The following PDE4D variants were observed in gnomAD, a reference collection of about 807,000 sequenced individuals.
PDE4D encodes phosphodiesterase 4D, also known as 3',5'-cyclic-AMP phosphodiesterase 4D.
PDE4D carries 24 observed loss-of-function variants against 87.4 expected under a neutral mutation model. The ratio of observed to expected loss-of-function variants is 0.27; its 90% CI spans 0.20 to 0.39. The LOEUF (loss-of-function observed/expected upper bound fraction) is 0.39. Among genes scored for constraint, PDE4D ranks in the 10% least tolerant of loss-of-function variants. The probability of loss-of-function intolerance (pLI) is 1.00; values close to 1 mark genes in which losing one functional copy is unlikely to be tolerated. For missense variants in PDE4D, 714 were observed against 1,041.0 expected (o/e 0.69, Z 4.32); for synonymous variants, 384 against 383.2 (o/e 1.00, Z -0.02).
At chr5:59,500,270 A>G (rs2153664031) in intron 1 of PDE4D, among the ~76,000 whole-genome samples, 1 of 152,298 alleles carries the variant, frequency 6.6e-6, no homozygotes, top group African/African-American at 2.4e-5. Context: ...TACCCAAAGG[A>G]AAATAAACCA....
intron 1 of PDE4D, among the ~76,000 whole-genome samples, chr5:59,812,893 G>A (rs540269398): frequency 1.2e-4 from 18 of 152,312 alleles, no homozygotes; most frequent in African/African-American, 1.4e-4. Context: ...GGCAAGCACC[G>A]AACCTGGCTG....
intron 1 of PDE4D, among the ~76,000 whole-genome samples, chr5:60,190,301 C>T (rs1447224257): frequency 6.6e-6 from 1 of 152,318 alleles, no homozygotes; most frequent in African/African-American, 2.4e-5. Context: ...CCTCTACACA[C>T]GTAAGATAGA....
chr5:59,042,330 C>T (rs1580474868), intron 5 of PDE4D, among the ~76,000 whole-genome samples: 1 of 152,138 alleles, frequency 6.6e-6, no homozygotes, highest in Non-Finnish European at 1.5e-5. Context: ...CTTTTCATCC[C>T]GCCGAACAAA....
intron 1 of PDE4D, among the ~76,000 whole-genome samples, chr5:59,638,864 A>G (rs1203711021): frequency 1.3e-5 from 2 of 152,146 alleles, no homozygotes; most frequent in Non-Finnish European, 2.9e-5. Flanking sequence ...AACTTTTAGG[A>G]TATGAGTAAA....
intron 1 of PDE4D, among the ~76,000 whole-genome samples, chr5:60,219,628 T>C (rs1683986296): frequency 6.6e-6 from 1 of 152,208 alleles, no homozygotes; most frequent in African/African-American, 2.4e-5. Context: ...CTGAGGAAGC[T>C]ACCATCTCCA....
intron 1 of PDE4D, among the ~76,000 whole-genome samples, chr5:60,503,274 C>G (rs914476266): frequency 6.6e-6 from 1 of 152,090 alleles, no homozygotes; most frequent in Admixed American, 6.6e-5. Flanking sequence ...AGACAGAATA[C>G]TCTGTCTATA....
chr5:60,424,857 GC>G (rs1346696478), intron 1 of PDE4D, among the ~76,000 whole-genome samples: 1 of 152,162 alleles, frequency 6.6e-6, no homozygotes, highest in Non-Finnish European at 1.5e-5. Context: ...AAATCAATGT[GC>G]AAAAATCACA....
chr5:59,553,758 C>T (rs1304771151), intron 1 of PDE4D, among the ~76,000 whole-genome samples: 1 of 151,976 alleles, frequency 6.6e-6, no homozygotes, highest in African/African-American at 2.4e-5. Flanking sequence ...ATAAGCTATA[C>T]TTAATATTTT....
At chr5:59,791,083 G>A (rs779731070) in intron 1 of PDE4D, among the ~76,000 whole-genome samples, 10 of 152,114 alleles carry the variant, frequency 6.6e-5, no homozygotes, top group Non-Finnish European at 7.3e-5. Context: ...CTGACAGTAC[G>A]TCCAGCATCA....
chr5:60,511,864 G>A (rs1750590821), intron 1 of PDE4D, among the ~76,000 whole-genome samples: 1 of 152,050 alleles, frequency 6.6e-6, no homozygotes, highest in African/African-American at 2.4e-5. Flanking sequence ...AAAGCACTAA[G>A]TTCATATTTC....
At chr5:59,810,954 A>G (rs1052779563) in intron 1 of PDE4D, among the ~76,000 whole-genome samples, 6 of 152,312 alleles carry the variant, frequency 3.9e-5, no homozygotes, top group Middle Eastern at 3.4e-3. Flanking sequence ...TTCTTTTCCC[A>G]AATGCAGATG....
chr5:59,402,611 T>C (rs1431743933), intron 1 of PDE4D, among the ~76,000 whole-genome samples: 1 of 121,972 alleles, frequency 8.2e-6, no homozygotes, highest in Admixed American at 8.0e-5. Context: ...CCTATTATCA[T>C]GATAATCAAC....
chr5:60,177,764 C>T (rs796553334), intron 2 of PDE4D, among the ~76,000 whole-genome samples: 8 of 152,264 alleles, frequency 5.3e-5, no homozygotes, highest in African/African-American at 1.9e-4. Context: ...TTAATCTACT[C>T]CTCTCATGTT....
At chr5:59,792,402 C>CTGTGTGTGTGTGTGTGTGTGTGTG (rs3062592) in intron 1 of PDE4D, among the ~76,000 whole-genome samples, 138 of 138,844 alleles carry the variant, frequency 9.9e-4, no homozygotes, top group African/African-American at 3.4e-3. Context: ...CTCCAAGAAG[C>CTGTGTGTGTGTGTGTGTGTGTGTG]TGTGTGTGTG....
chr5:59,108,887 A>T (rs1405765519), intron 5 of PDE4D, among the ~76,000 whole-genome samples: 1 of 144,984 alleles, frequency 6.9e-6, no homozygotes, highest in East Asian at 2.0e-4. Context: ...AGCCTGGGTG[A>T]CAGAGTGAGA....
chr5:59,879,604 T>C (rs1233945792), intron 1 of PDE4D, among the ~76,000 whole-genome samples: 1 of 152,250 alleles, frequency 6.6e-6, no homozygotes, highest in Non-Finnish European at 1.5e-5. Flanking sequence ...ATTTGTATAA[T>C]AGAAGATCCA....
At chr5:60,312,956 A>T (rs1406341001) in intron 1 of PDE4D, among the ~76,000 whole-genome samples, 1 of 152,212 alleles carries the variant, frequency 6.6e-6, no homozygotes, top group African/African-American at 2.4e-5. Flanking sequence ...TATAGTGCTA[A>T]ATGCTCACAT....
At chr5:59,158,720 C>T (rs1016430119) in intron 5 of PDE4D, among the ~76,000 whole-genome samples, 6 of 152,142 alleles carry the variant, frequency 3.9e-5, no homozygotes, top group Non-Finnish European at 8.8e-5. Context: ...CATCATTTTA[C>T]AGAACACAAC....
At chr5:60,426,817 T>C (rs937895721) in intron 1 of PDE4D, among the ~76,000 whole-genome samples, 3 of 152,218 alleles carry the variant, frequency 2.0e-5, no homozygotes, top group Non-Finnish European at 1.5e-5. Flanking sequence ...TAAATATATA[T>C]GTCCAAAGAA....
Sources: gnomAD v4.1 joint callset for allele counts (sites outside exome capture counted in the v4.1 genomes callset) on GRCh38, gnomAD v4.1.1 for gene constraint, MANE v1.5 for transcripts, NCBI Gene and HGNC (gene_info 2026-07-23, HGNC 2026-07-21) for gene names.